ADAMTS12: variants seen among roughly 807,000 people sequenced by gnomAD.
ADAMTS12 encodes the protein ADAM metallopeptidase with thrombospondin type 1 motif 12, also known as A disintegrin and metalloproteinase with thrombospondin motifs 12.
ADAMTS12 carries 118 observed loss-of-function variants against 167.8 expected under a neutral mutation model. The ratio of observed to expected loss-of-function variants is 0.70; its 90% CI spans 0.61 to 0.82. The LOEUF is 0.82. Ranked by LOEUF, ADAMTS12 falls within the 40% of genes least tolerant of loss-of-function variation. ADAMTS12 has a pLI of 0.00. For missense variants in ADAMTS12, 1,916 were observed against 1,998.8 expected (o/e 0.96, Z 0.79); for synonymous variants, 704 against 716.9 (o/e 0.98, Z 0.29).
chr5:33,801,678 T>A (rs910368232), intron 2 of ADAMTS12, among the ~76,000 whole-genome samples: 1 of 152,174 alleles, frequency 6.6e-6, no homozygotes, highest in Non-Finnish European at 1.5e-5. Flanking sequence ...GTAGCAGAAA[T>A]GGTGCTGAAG....
chr5:33,788,609 A>G (rs1373946134), intron 2 of ADAMTS12, among the ~76,000 whole-genome samples: 2 of 152,188 alleles, frequency 1.3e-5, no homozygotes, highest in Non-Finnish European at 2.9e-5. Context: ...GGGCATGATG[A>G]AGAGAAACAC....
At chr5:33,811,327 GT>G (rs2112487512) in intron 2 of ADAMTS12, among the ~76,000 whole-genome samples, 1 of 152,290 alleles carries the variant, frequency 6.6e-6, no homozygotes, top group African/African-American at 2.4e-5. Context: ...AATATATATA[GT>G]TTTTTAGAAG....
At position 33,649,778 on chromosome 5, in the gene ADAMTS12, G is replaced by GT. The variant is rs1019631529; in HGVS notation, c.1191-82dup. 2.0e-5 allele frequency: 31 copies of GT among 1,540,734 alleles called. 1 individual carries two copies. Among genetic ancestry groups the GT allele is most frequent in the Middle Eastern group, 3.5e-4 (2 of 5,716 alleles). Reference sequence around the variant, plus strand: ...GAAAAACCATAGTTTCCCTAAGAGCGTAATAACTCACAGACAGCCACGTTT... The same window carrying GT: ...GAAAAACCATAGTTTCCCTAAGAGCGTTAATAACTCACAGACAGCCACGTTT... On this transcript the variant is annotated intron_variant, in intron 7 of 23. Transcript: ENST00000504830.
chr5:33,690,123 T>A (rs1259493415), intron 3 of ADAMTS12, among the ~76,000 whole-genome samples: 2 of 152,118 alleles, frequency 1.3e-5, no homozygotes, highest in Non-Finnish European at 2.9e-5. Context: ...CCCAGCAGAG[T>A]CAAACACCAG....
At chr5:33,672,272 AC>A (rs1579822348) in intron 5 of ADAMTS12, among the ~76,000 whole-genome samples, 1 of 139,360 alleles carries the variant, frequency 7.2e-6, no homozygotes, top group African/African-American at 2.7e-5. Flanking sequence ...ACAGCCCCAC[AC>A]CCCCACATAC....
chr5:33,878,284 T>C (rs1340444854), intron 2 of ADAMTS12, among the ~76,000 whole-genome samples: 1 of 152,172 alleles, frequency 6.6e-6, no homozygotes, highest in East Asian at 1.9e-4. Flanking sequence ...GGTGCCTTTT[T>C]TTTTTTATAA....
intron 2 of ADAMTS12, among the ~76,000 whole-genome samples, chr5:33,809,543 C>T (rs187707694): frequency 3.3e-5 from 5 of 152,078 alleles, no homozygotes; most frequent in Non-Finnish European, 4.4e-5. Flanking sequence ...TTTATTTATT[C>T]GACTTGGGAT....
At chr5:33,790,398 C>G (rs1288653253) in intron 2 of ADAMTS12, among the ~76,000 whole-genome samples, 1 of 151,860 alleles carries the variant, frequency 6.6e-6, no homozygotes, top group East Asian at 1.9e-4. Flanking sequence ...ACTAAAAATA[C>G]AAAAATTAGC....
At chr5:33,635,647 G>A (rs1019820382) in intron 12 of ADAMTS12, among the ~76,000 whole-genome samples, 6 of 152,146 alleles carry the variant, frequency 3.9e-5, no homozygotes. Context: ...TTTATCCTCT[G>A]GTGATTTCTA....
intron 20 of ADAMTS12, among the ~76,000 whole-genome samples, chr5:33,552,290 C>A (rs1210410623): frequency 6.6e-6 from 1 of 152,176 alleles, no homozygotes; most frequent in Non-Finnish European, 1.5e-5. Context: ...GATTGGGGGA[C>A]TAACAGACCA....
intron 1 of ADAMTS12, among the ~76,000 whole-genome samples, chr5:33,881,913 G>A (rs80107811): frequency 4.1e-4 from 62 of 152,078 alleles, no homozygotes; most frequent in Non-Finnish European, 7.6e-4. Context: ...TTGACTTGAA[G>A]TTTAGAGATC....
At chr5:33,582,074 T>C (rs1391158232) in intron 18 of ADAMTS12, among the ~76,000 whole-genome samples, 2 of 152,214 alleles carry the variant, frequency 1.3e-5, no homozygotes, top group African/African-American at 2.4e-5. Context: ...CAAATTCCTG[T>C]TGTTTAATCT....
chr5:33,678,272 T>C (rs1322783287), intron 5 of ADAMTS12, among the ~76,000 whole-genome samples: 2 of 152,256 alleles, frequency 1.3e-5, no homozygotes, highest in African/African-American at 2.4e-5. Flanking sequence ...CCTGGTTCAC[T>C]GACAGACTGC....
At chr5:33,579,731 C>T (rs963706637) in intron 18 of ADAMTS12, among the ~76,000 whole-genome samples, 5 of 152,210 alleles carry the variant, frequency 3.3e-5, no homozygotes, top group African/African-American at 1.2e-4. Flanking sequence ...GCAGCACCTA[C>T]CTTTGCAGGC....
rs537728366 is a variant in ADAMTS12 at position 33,539,461 on chromosome 5, C to T, written c.4447-4469G>A. ...TAGGACAGATGCCAACTCCTCTTTG[C>T]TCTAGGAAAAGCCAGAGAATCCAAG... is the stretch of plus-strand genomic sequence containing the variant. On this transcript the variant is annotated intron_variant, in intron 22 of 23. Coordinates refer to ENST00000504830, the MANE Select transcript of ADAMTS12 (RefSeq NM_030955.4). 3.9e-5 allele frequency among the ~76,000 whole-genome samples: 6 copies of T among 152,324 alleles called. No homozygotes were observed. The East Asian group carries it at 9.6e-4, about 24-fold the overall frequency.
chr5:33,750,764 T>C (rs1243953915), intron 3 of ADAMTS12, among the ~76,000 whole-genome samples: 1 of 152,206 alleles, frequency 6.6e-6, no homozygotes, highest in Non-Finnish European at 1.5e-5. Context: ...GAAAACTACC[T>C]GAAATTATTT....
At chr5:33,562,634 A>ATT (rs201008805) in intron 19 of ADAMTS12, among the ~76,000 whole-genome samples, 4 of 142,696 alleles carry the variant, frequency 2.8e-5, no homozygotes, top group Non-Finnish European at 3.1e-5. Context: ...TCTCCATATA[A>ATT]TTTTTTTTTT....
intron 3 of ADAMTS12, among the ~76,000 whole-genome samples, chr5:33,699,307 G>A (rs1257718072): frequency 1.3e-5 from 2 of 151,914 alleles, no homozygotes; most frequent in Non-Finnish European, 2.9e-5. Flanking sequence ...GCAATTCAAA[G>A]GAGAAAGGAT....
chr5:33,850,118 C>G (rs998286713), intron 2 of ADAMTS12, among the ~76,000 whole-genome samples: 1 of 152,088 alleles, frequency 6.6e-6, no homozygotes, highest in African/African-American at 2.4e-5. Context: ...CTGTTCTTAC[C>G]ATATCGTCTG....
Sources: allele counts gnomAD v4.1 joint callset (sites outside exome capture counted in the v4.1 genomes callset), GRCh38; gene constraint gnomAD v4.1.1; transcripts MANE v1.5; gene names NCBI Gene and HGNC (gene_info 2026-07-23, HGNC 2026-07-21).